Variants in XYLT1 observed in about 807,000 individuals in gnomAD.
XYLT1 encodes xylosyltransferase 1, also known as beta-D-xylosyltransferase 1.
A neutral mutation model predicts 91.3 loss-of-function variants in XYLT1; 36 were observed. The observed-to-expected ratio is 0.39, with a 90% CI of 0.30 to 0.52. The LOEUF is 0.52. Among genes scored for constraint, XYLT1 ranks in the 20% least tolerant of loss-of-function variants. The probability of loss-of-function intolerance (pLI) is 0.68; values close to 1 mark genes in which losing one functional copy is unlikely to be tolerated. For synonymous variants in XYLT1, 588 were observed against 532.0 expected (o/e 1.11, Z -1.45); for missense variants, 1,242 against 1,284.5 (o/e 0.97, Z 0.51).
At chr16:17,195,877 G>A (rs1455353226) in intron 5 of XYLT1, among the ~76,000 whole-genome samples, 2 of 152,170 alleles carry the variant, frequency 1.3e-5, no homozygotes, top group African/African-American at 4.8e-5. Flanking sequence ...CATCACTTTT[G>A]TTCACAAAAT....
chr16:17,429,408 G>T (rs2036361643), intron 1 of XYLT1, among the ~76,000 whole-genome samples: 1 of 152,232 alleles, frequency 6.6e-6, no homozygotes, highest in South Asian at 2.1e-4. Flanking sequence ...TCAACGGCAA[G>T]TATGTTGCTC....
rs1470330796 is a variant in XYLT1 at position 17,127,767 on chromosome 16, C to T, written c.2122G>A (p.Ala708Thr). Reference protein sequence around the residue: ...FLIKHHATNLAVSKLETLETW... With the variant: ...FLIKHHATNLTVSKLETLETW... ...TCCAGAGTCTCTAGTTTGCTCACAG[C>T]CAGATTGGTAGCATGATGCTTGATC... Residue 708 changes from alanine (A) to threonine (T), a missense_variant, in exon 10 of 12, where the codon GCT (alanine) becomes ACT (threonine). Around this residue, in one of 3 missense-constraint regions of XYLT1, gnomAD observed 511 missense variants for 497.0 expected, o/e 1.03. Coordinates refer to ENST00000261381, the MANE Select transcript of XYLT1 (RefSeq NM_022166.4). 4 of 1,614,168 alleles carry T rather than the reference C, an allele frequency of 2.5e-6. No individual in the cohort carries two copies.
intron 2 of XYLT1, among the ~76,000 whole-genome samples, chr16:17,332,973 C>T (rs930751941): frequency 5.3e-5 from 8 of 152,108 alleles, no homozygotes; most frequent in African/African-American, 1.9e-4. Flanking sequence ...GAGGTGACGG[C>T]ACAGGCAATT....
intron 1 of XYLT1, among the ~76,000 whole-genome samples, chr16:17,469,773 TG>T (rs2036955295): frequency 6.6e-6 from 1 of 151,580 alleles, no homozygotes; most frequent in African/African-American, 2.4e-5. Flanking sequence ...AAACTGGAGA[TG>T]GGGAGGAGAT....
chr16:17,336,526 G>A (rs1323590510), intron 2 of XYLT1, among the ~76,000 whole-genome samples: 3 of 152,154 alleles, frequency 2.0e-5, no homozygotes, highest in African/African-American at 7.2e-5. Flanking sequence ...GGTTGCGGGT[G>A]TGGGTATGGA....
At chr16:17,439,343 C>A (rs1047055414) in intron 1 of XYLT1, among the ~76,000 whole-genome samples, 2 of 152,130 alleles carry the variant, frequency 1.3e-5, no homozygotes, top group Non-Finnish European at 2.9e-5. Flanking sequence ...TTTTTTGCTA[C>A]CCTCTAGAAC....
intron 2 of XYLT1, among the ~76,000 whole-genome samples, chr16:17,342,440 G>C (rs2035075087): frequency 1.3e-5 from 2 of 152,098 alleles, no homozygotes; most frequent in Admixed American, 6.5e-5. Context: ...TGCATTTCTC[G>C]GTTGGGCGTG....
In XYLT1 at chr16:17,134,309, C is replaced by T. The variant is rs576083058; in HGVS notation, c.2027+164G>A. 2.2e-4 allele frequency among the ~76,000 whole-genome samples: 33 copies of T among 152,210 alleles called. No homozygotes were observed. In the South Asian group the frequency reaches 3.1e-3, roughly 14 times the overall value. On this transcript the variant is annotated intron_variant, in intron 9 of 11. Coordinates refer to ENST00000261381, the MANE Select transcript of XYLT1 (RefSeq NM_022166.4). The stretch of plus-strand genomic sequence containing the variant: ...CAGCTTGGATTGGAAATGCCACGCA[C>T]GCTAGGAGGGTGGCGTTAGATGAGT...
At chr16:17,233,372 G>A (rs2033197338) in intron 3 of XYLT1, among the ~76,000 whole-genome samples, 1 of 152,212 alleles carries the variant, frequency 6.6e-6, no homozygotes, top group South Asian at 2.1e-4. Context: ...GCAAAAGGAG[G>A]GCCTGGAAAG....
intron 5 of XYLT1, among the ~76,000 whole-genome samples, chr16:17,176,731 G>A (rs558943873): frequency 6.6e-6 from 1 of 152,226 alleles, no homozygotes; most frequent in East Asian, 1.9e-4. Flanking sequence ...GAGGCATTTA[G>A]CCTGGTGGAA....
chr16:17,316,211 C>A (rs1010423243), intron 2 of XYLT1, among the ~76,000 whole-genome samples: 1 of 152,136 alleles, frequency 6.6e-6, no homozygotes, highest in Non-Finnish European at 1.5e-5. Context: ...TCTTTGAACA[C>A]CACATGGAGA....
chr16:17,126,231 G>C (rs565656899), intron 10 of XYLT1, among the ~76,000 whole-genome samples: 8 of 152,302 alleles, frequency 5.3e-5, no homozygotes, highest in African/African-American at 1.7e-4. Flanking sequence ...TAGCCATGGA[G>C]CGGCCAACAT....
chr16:17,386,018 C>G (rs1318945504), intron 1 of XYLT1, among the ~76,000 whole-genome samples: 1 of 152,076 alleles, frequency 6.6e-6, no homozygotes, highest in Non-Finnish European at 1.5e-5. Context: ...TCCAATAGTG[C>G]CTGCCACAGA....
chr16:17,174,924 C>T (rs965208425), intron 5 of XYLT1, among the ~76,000 whole-genome samples: 1 of 152,110 alleles, frequency 6.6e-6, no homozygotes, highest in Admixed American at 6.5e-5. Context: ...ACATGCACCA[C>T]CACATCTGGC....
intron 1 of XYLT1, among the ~76,000 whole-genome samples, chr16:17,386,382 C>G (rs7187505): frequency 0.3 from 46,145 of 151,898 alleles, 7,543 homozygotes; most frequent in Non-Finnish European, 0.38. Context: ...GAGCTGGAGG[C>G]GGGGAGGTTA....
intron 3 of XYLT1, among the ~76,000 whole-genome samples, chr16:17,249,116 C>T (rs955034027): frequency 2.0e-5 from 3 of 152,192 alleles, no homozygotes; most frequent in East Asian, 3.9e-4. Context: ...ATCTGCTTTC[C>T]TCCCAAATGA....
chr16:17,387,236 C>T (rs1164833989), intron 1 of XYLT1, among the ~76,000 whole-genome samples: 19 of 152,122 alleles, frequency 1.2e-4, no homozygotes, highest in Admixed American at 1.2e-3. Flanking sequence ...ACCAATGTGT[C>T]CTAGGCCACT....
intron 2 of XYLT1, among the ~76,000 whole-genome samples, chr16:17,344,449 C>T (rs1320784196): frequency 2.7e-5 from 4 of 148,626 alleles, no homozygotes; most frequent in South Asian, 2.1e-4. Flanking sequence ...GCCGAGATCA[C>T]GCCATTGCAC....
In XYLT1 at chr16:17,387,181, A is replaced by G. The variant is rs140604655; in HGVS notation, c.364-29131T>C. On this transcript the variant is annotated intron_variant, in intron 1 of 11. Coordinates refer to ENST00000261381, the MANE Select transcript of XYLT1 (RefSeq NM_022166.4). ...CTCAGTGTATGGATTCCTCTCCTCC[A>G]TCCTTCATGCATAGACCCTCTTATC... 5.6e-3 allele frequency among the ~76,000 whole-genome samples: 859 copies of G among 152,252 alleles called. 7 individuals are homozygous for G. The highest frequency in any genetic ancestry group is 0.02 in the African/African-American group (825 of 41,552).
Sources: gnomAD v4.1 joint callset for allele counts (sites outside exome capture counted in the v4.1 genomes callset) on GRCh38, gnomAD v4.1.1 for gene constraint, gnomAD v4.1.1 regional missense constraint, MANE v1.5 for transcripts, NCBI Gene and HGNC (gene_info 2026-07-23, HGNC 2026-07-21) for gene names.